Variants in CAMK2D observed in about 807,000 individuals in gnomAD.
CAMK2D encodes the protein calcium/calmodulin dependent protein kinase II delta.
A neutral mutation model predicts 84.0 loss-of-function variants in CAMK2D; 37 were observed. The observed-to-expected ratio is 0.44, with a 90% CI of 0.34 to 0.58. The LOEUF (loss-of-function observed/expected upper bound fraction) is 0.58. Among genes scored for constraint, CAMK2D ranks in the 20% least tolerant of loss-of-function variants. The probability of loss-of-function intolerance (pLI) is 0.02; values close to 1 mark genes in which losing one functional copy is unlikely to be tolerated. For missense variants in CAMK2D, 448 were observed against 652.5 expected, an observed-to-expected ratio of 0.69 and a Z score of 3.41; for synonymous variants, 202 against 212.5, an observed-to-expected ratio of 0.95 and a Z score of 0.43.
At chr4:113,734,424 C>A (rs1029808291) in intron 2 of CAMK2D, among the ~76,000 whole-genome samples, 2 of 152,116 alleles carry the variant, frequency 1.3e-5, no homozygotes, top group African/African-American at 4.8e-5. Flanking sequence ...TAATATTCTA[C>A]TACATTCTAA....
At chr4:113,760,877 C>G (rs2149193946) in intron 1 of CAMK2D, 127 bp downstream of exon 1, 1 of 1,196,758 alleles carries the variant, frequency 8.4e-7, no homozygotes, top group Admixed American at 1.8e-5. Context: ...AGCTGACAAA[C>G]CAGGGGCCCT....
intron 6 of CAMK2D, among the ~76,000 whole-genome samples, chr4:113,542,348 G>A (rs1338688569): frequency 1.3e-5 from 2 of 152,150 alleles, no homozygotes; most frequent in Non-Finnish European, 2.9e-5. Flanking sequence ...TCTGAGAAAA[G>A]TATAATACTT....
At chr4:113,701,685 C>G (rs546909245) in intron 2 of CAMK2D, among the ~76,000 whole-genome samples, 1 of 151,980 alleles carries the variant, frequency 6.6e-6, no homozygotes, top group Non-Finnish European at 1.5e-5. Context: ...CAGCTGAGAC[C>G]GTACGTAGGT....
intron 3 of CAMK2D, among the ~76,000 whole-genome samples, chr4:113,610,325 C>T (rs1035838468): frequency 3.3e-5 from 5 of 152,166 alleles, no homozygotes; most frequent in African/African-American, 1.2e-4. Context: ...AGTTTTAGGA[C>T]ACAACTGCTT....
chr4:113,686,334 T>A (rs1260017684), intron 2 of CAMK2D, among the ~76,000 whole-genome samples: 2 of 152,204 alleles, frequency 1.3e-5, no homozygotes, highest in East Asian at 3.8e-4. Flanking sequence ...CAATTCTCTG[T>A]AAAAATACCT....
intron 2 of CAMK2D, among the ~76,000 whole-genome samples, chr4:113,694,133 G>GT (rs970441407): frequency 9.2e-5 from 14 of 152,124 alleles, no homozygotes; most frequent in Admixed American, 1.3e-4. Context: ...ATACAGGGGT[G>GT]TAAGAAACAG....
At chr4:113,734,596 G>A (rs887064956) in intron 2 of CAMK2D, among the ~76,000 whole-genome samples, 2 of 152,128 alleles carry the variant, frequency 1.3e-5, no homozygotes, top group African/African-American at 4.8e-5. Flanking sequence ...TTGACAATAA[G>A]AGAGTGGGAG....
intron 4 of CAMK2D, among the ~76,000 whole-genome samples, chr4:113,596,682 C>A (rs1224314625): frequency 6.6e-6 from 1 of 152,110 alleles, no homozygotes; most frequent in Non-Finnish European, 1.5e-5. Flanking sequence ...TCTTCCCCCC[C>A]AGGCAGTAGA....
At chr4:113,533,615 A>C (rs1335226599) in intron 7 of CAMK2D, among the ~76,000 whole-genome samples, 1 of 152,104 alleles carries the variant, frequency 6.6e-6, no homozygotes, top group Non-Finnish European at 1.5e-5. Flanking sequence ...ACATAACAGC[A>C]ACAAAGCAAA....
intron 2 of CAMK2D, among the ~76,000 whole-genome samples, chr4:113,661,990 G>T (rs2099235097): frequency 6.6e-6 from 1 of 152,142 alleles, no homozygotes; most frequent in African/African-American, 2.4e-5. Flanking sequence ...GTGCAGTATA[G>T]AACAGTGCTA....
intron 2 of CAMK2D, among the ~76,000 whole-genome samples, chr4:113,694,746 T>C (rs953072017): frequency 6.6e-6 from 1 of 152,186 alleles, no homozygotes; most frequent in African/African-American, 2.4e-5. Context: ...TAATAAGCTT[T>C]TCCTTATAAG....
intron 4 of CAMK2D, among the ~76,000 whole-genome samples, chr4:113,575,238 A>G (rs1233021999): frequency 6.6e-6 from 1 of 152,212 alleles, no homozygotes; most frequent in Non-Finnish European, 1.5e-5. Context: ...CAATAGAAGA[A>G]CTAATATTAT....
At chr4:113,607,598 C>T (rs1399014183) in intron 4 of CAMK2D, among the ~76,000 whole-genome samples, 6 of 152,156 alleles carry the variant, frequency 3.9e-5, no homozygotes, top group South Asian at 4.2e-4. Flanking sequence ...AGCTCCCCAC[C>T]GAGCACCCTG....
intron 3 of CAMK2D, among the ~76,000 whole-genome samples, chr4:113,633,368 G>C (rs2099097764): frequency 6.6e-6 from 1 of 152,182 alleles, no homozygotes; most frequent in African/African-American, 2.4e-5. Flanking sequence ...ATTTTCAAAG[G>C]ACATGATTCA....
chr4:113,560,936 T>C (rs1217265645), intron 4 of CAMK2D, among the ~76,000 whole-genome samples: 2 of 152,074 alleles, frequency 1.3e-5, no homozygotes, highest in African/African-American at 4.8e-5. Flanking sequence ...GAGAGAATAA[T>C]GAATTCCTTC....
intron 4 of CAMK2D, among the ~76,000 whole-genome samples, chr4:113,562,344 T>C (rs2098702141): frequency 6.6e-6 from 1 of 152,168 alleles, no homozygotes; most frequent in African/African-American, 2.4e-5. Context: ...TAAAATCTTA[T>C]TTATACTCAT....
At chr4:113,710,103 A>G (rs562225506) in intron 2 of CAMK2D, among the ~76,000 whole-genome samples, 1 of 152,094 alleles carries the variant, frequency 6.6e-6, no homozygotes, top group South Asian at 2.1e-4. Flanking sequence ...ACATTTCAGG[A>G]TATTTAAAAA....
chr4:113,466,310 T>C (rs1320569920), intron 16 of CAMK2D, among the ~76,000 whole-genome samples: 1 of 151,638 alleles, frequency 6.6e-6, no homozygotes. Context: ...AAAATAAAAT[T>C]AGTTTTTACT....
chr4:113,698,845 G>A (rs1561906065), intron 2 of CAMK2D, among the ~76,000 whole-genome samples: 1 of 152,078 alleles, frequency 6.6e-6, no homozygotes, highest in African/African-American at 2.4e-5. Context: ...CATAAAACAT[G>A]TCTGAAAAGA....
Sources: allele counts gnomAD v4.1 joint callset (sites outside exome capture counted in the v4.1 genomes callset), GRCh38; gene constraint gnomAD v4.1.1; transcripts MANE v1.5; gene names NCBI Gene and HGNC (gene_info 2026-07-23, HGNC 2026-07-21).